TDRD9: variants seen among roughly 807,000 people sequenced by gnomAD.
TDRD9 encodes tudor domain containing 9.
A neutral mutation model predicts 172.6 loss-of-function variants in TDRD9; 124 were observed. The ratio of observed to expected loss-of-function variants is 0.72; its 90% CI spans 0.62 to 0.83. The LOEUF (loss-of-function observed/expected upper bound fraction) is 0.83. Ranked by LOEUF, TDRD9 falls within the 40% of genes least tolerant of loss-of-function variation. The pLI is 0.00. For synonymous variants in TDRD9, 619 were observed against 617.1 expected, an observed-to-expected ratio of 1.00 and a Z score of -0.05; for missense variants, 1,479 against 1,714.1, an observed-to-expected ratio of 0.86 and a Z score of 2.42.
intron 8 of TDRD9, among the ~76,000 whole-genome samples, chr14:103,987,147 C>T (rs570883484): frequency 5.9e-5 from 9 of 152,026 alleles, no homozygotes; most frequent in African/African-American, 2.2e-4. Context: ...CACACACACA[C>T]ACACACACAC....
At chr14:104,006,912 A>G (rs1477279174) in intron 18 of TDRD9, 67 bp downstream of exon 18, 2 of 1,358,896 alleles carry the variant, frequency 1.5e-6, no homozygotes, top group East Asian at 4.7e-5. Flanking sequence ...TTCATACCAC[A>G]AACATATGAG....
chr14:104,027,564 C>T (rs2035160229), intron 28 of TDRD9, among the ~76,000 whole-genome samples: 1 of 152,092 alleles, frequency 6.6e-6, no homozygotes, highest in Non-Finnish European at 1.5e-5. Flanking sequence ...ACTTCTTTTT[C>T]CTTTTTTAGT....
At chr14:103,960,559 CCTT>C (rs139228931) in intron 2 of TDRD9, among the ~76,000 whole-genome samples, 3,526 of 152,254 alleles carry the variant, frequency 0.023, 78 homozygotes, top group East Asian at 0.071. Context: ...TGATGGATTT[CCTT>C]CTTATTCTGT....
chr14:104,032,169 A>G (rs1372898562), intron 30 of TDRD9, 82 bp downstream of exon 30: 1 of 827,766 alleles, frequency 1.2e-6, no homozygotes, highest in South Asian at 1.7e-5. Context: ...ATGTATCTTT[A>G]TATCTAAACT....
At chr14:103,941,793 G>A (rs2031253073) in intron 1 of TDRD9, 6 of 932,288 alleles carry the variant, frequency 6.4e-6, no homozygotes, top group Non-Finnish European at 9.3e-6. Flanking sequence ...TGCCCGAAAA[G>A]TGCACGATTT....
intron 34 of TDRD9, among the ~76,000 whole-genome samples, chr14:104,042,637 A>T (rs1029120242): frequency 6.6e-6 from 1 of 152,192 alleles, no homozygotes; most frequent in Non-Finnish European, 1.5e-5. Flanking sequence ...GAATGCAGAC[A>T]CAAAAGGCTC....
Position 103,928,456 on chromosome 14 carries a change from G to T in TDRD9, c.-54G>T, listed in dbSNP as rs2030105921. 2 of 1,406,948 alleles carry T rather than the reference G, an allele frequency of 1.4e-6. No individual in the cohort carries two copies. The highest frequency in any genetic ancestry group is 1.9e-6 in the Non-Finnish European group (2 of 1,070,312). 87.2% of individuals were successfully genotyped at this position (1,406,948 alleles called of 1,614,324 possible). A position where few individuals can be genotyped will look rare whatever the true frequency, so the allele number is the denominator to read the frequency against. ...CCAGGGTGCGCTTCCGCCGTCGCCTGTTCCCGCCGCGGAGACCCGGCAGTT... is the reference window on the plus strand; with the variant it reads ...CCAGGGTGCGCTTCCGCCGTCGCCTTTTCCCGCCGCGGAGACCCGGCAGTT... On this transcript the variant is annotated 5_prime_UTR_variant, in exon 1 of 36. Coordinates refer to ENST00000409874, the MANE Select transcript of TDRD9 (RefSeq NM_153046.3).
intron 34 of TDRD9, among the ~76,000 whole-genome samples, chr14:104,048,557 G>A (rs1197874027): frequency 1.3e-5 from 2 of 152,146 alleles, no homozygotes; most frequent in African/African-American, 4.8e-5. Flanking sequence ...TGCCATTGGA[G>A]CTAAGTATGG....
intron 3 of TDRD9, among the ~76,000 whole-genome samples, chr14:103,965,116 G>T (rs2032677574): frequency 6.6e-6 from 1 of 152,038 alleles, no homozygotes; most frequent in Admixed American, 6.6e-5. Flanking sequence ...AGAGGCTGAG[G>T]CATGAGAATC....
At chr14:103,943,496 T>C (rs1030011197) in intron 1 of TDRD9, among the ~76,000 whole-genome samples, 11 of 150,258 alleles carry the variant, frequency 7.3e-5, no homozygotes, top group Admixed American at 6.7e-4. Flanking sequence ...CACACATATA[T>C]ACACACACAC....
intron 2 of TDRD9, among the ~76,000 whole-genome samples, chr14:103,961,276 G>A (rs919392000): frequency 9.9e-5 from 15 of 152,170 alleles, no homozygotes; most frequent in African/African-American, 3.1e-4. Context: ...TAGTTAGGCT[G>A]ATTAGAAGAT....
intron 29 of TDRD9, among the ~76,000 whole-genome samples, chr14:104,031,794 C>T (rs919284812): frequency 6.6e-6 from 1 of 152,064 alleles, no homozygotes; most frequent in African/African-American, 2.4e-5. Context: ...GCTTTCTTAA[C>T]CATATATATC....
intron 15 of TDRD9, among the ~76,000 whole-genome samples, chr14:104,005,671 C>A (rs1001132361): frequency 6.6e-6 from 1 of 152,212 alleles, no homozygotes; most frequent in African/African-American, 2.4e-5. Flanking sequence ...TGACTGCACA[C>A]CTGACTCATA....
rs374182327 is a variant in TDRD9, at chr14:104,034,971, C to T, written c.3631C>T (p.Leu1211=). ...LSINATGSTM[L]LRETSLMPHI... Reference sequence around the variant, plus strand: ...CATGACTTGAACAGGATCTACGATGCTGCTGAGAGAAACCTCTCTGATGCC... The same window carrying T: ...CATGACTTGAACAGGATCTACGATGTTGCTGAGAGAAACCTCTCTGATGCC... Residue 1211 remains leucine (L), a synonymous_variant, in exon 32 of 36, where the codon CTG becomes TTG. Coordinates refer to ENST00000409874, the MANE Select transcript of TDRD9 (RefSeq NM_153046.3). The T allele has an allele frequency of 1.9e-6, 3 of 1,551,324 alleles. No individual in the cohort carries two copies. Among genetic ancestry groups the T allele is most frequent in the African/African-American group, 2.7e-5 (2 of 73,024 alleles).
chr14:103,991,921 C>T (rs1375514441), intron 9 of TDRD9, among the ~76,000 whole-genome samples: 1 of 152,116 alleles, frequency 6.6e-6, no homozygotes, highest in South Asian at 2.1e-4. Flanking sequence ...CCATGCTTGT[C>T]TAGAGTTCAG....
At chr14:104,038,475 A>AC (rs2035517750) in intron 32 of TDRD9, among the ~76,000 whole-genome samples, 1 of 152,032 alleles carries the variant, frequency 6.6e-6, no homozygotes, top group Non-Finnish European at 1.5e-5. Flanking sequence ...TTGTGTTCCC[A>AC]ATGTTGGGGC....
At chr14:103,930,445 G>C (rs1032825042) in intron 1 of TDRD9, among the ~76,000 whole-genome samples, 1 of 152,146 alleles carries the variant, frequency 6.6e-6, no homozygotes, top group Non-Finnish European at 1.5e-5. Context: ...CAAAGTGCTG[G>C]GATTCCAGGT....
At chr14:104,008,031 G>A (rs11622617) in intron 19 of TDRD9, among the ~76,000 whole-genome samples, 39,383 of 152,000 alleles carry the variant, frequency 0.26, 5,596 homozygotes, top group Non-Finnish European at 0.33. Flanking sequence ...TGCCCGCCTC[G>A]GCCTCCCAAA....
At position 104,004,301 on chromosome 14, in the gene TDRD9, A is replaced by G. The variant is rs779157623; in HGVS notation, c.1547A>G (p.Asn516Ser). ...CTGGTACACAAGGATTTCTGGGACA[A>G]CTCCATCCCTGATCATGTTGTTCCT... The part of the protein sequence containing the change: ...YRLVHKDFWD[N>S]SIPDHVVPEM... Residue 516 changes from asparagine to serine, a missense_variant, in exon 14 of 36, where the codon AAC (asparagine) becomes AGC (serine). Asn to Ser is a conservative substitution (Grantham distance 46). This residue lies in a region of TDRD9 where 1,413 missense variants were observed against 1,649.1 expected (regional missense o/e 0.86). Coordinates refer to ENST00000409874, the MANE Select transcript of TDRD9 (RefSeq NM_153046.3). The G allele has an allele frequency of 5.6e-6, 9 of 1,602,096 alleles. No homozygotes were observed. The highest frequency in any genetic ancestry group is 4.5e-5 in the East Asian group (2 of 44,778).
Sources: allele counts gnomAD v4.1 joint callset (sites outside exome capture counted in the v4.1 genomes callset), GRCh38; gene constraint gnomAD v4.1.1; regional missense constraint gnomAD v4.1.1; transcripts MANE v1.5; gene names NCBI Gene and HGNC (gene_info 2026-07-23, HGNC 2026-07-21).